The following ABCC4 variants were observed in gnomAD, a reference collection of about 807,000 sequenced individuals.
ABCC4 encodes ATP binding cassette subfamily C member 4 (PEL blood group), also known as ATP-binding cassette sub-family C member 4.
Under a neutral mutation model 168.5 loss-of-function variants are expected in ABCC4, and 102 were observed. The ratio of observed to expected loss-of-function variants is 0.61; its 90% confidence interval spans 0.52 to 0.71. The LOEUF (loss-of-function observed/expected upper bound fraction) is 0.71, where lower values mean the gene tolerates loss of function less well. ABCC4 is among the 30% of genes least tolerant of loss of function. The pLI is 0.00. For synonymous variants in ABCC4, 617 were observed against 590.7 expected, an observed-to-expected ratio of 1.04 and a Z score of -0.65; for missense variants, 1,402 against 1,605.8, an observed-to-expected ratio of 0.87 and a Z score of 2.17.
chr13:95,231,256 T>C (rs2039613993), intron 4 of ABCC4, among the ~76,000 whole-genome samples: 2 of 152,228 alleles, frequency 1.3e-5, no homozygotes, highest in African/African-American at 4.8e-5. Flanking sequence ...ACTACTACTG[T>C]ACACTTAAAA....
intron 18 of ABCC4, among the ~76,000 whole-genome samples, chr13:95,162,658 C>T (rs1490454780): frequency 6.6e-6 from 1 of 152,146 alleles, no homozygotes; most frequent in African/African-American, 2.4e-5. Flanking sequence ...CTTTGCATAC[C>T]TGGGAGGGAA....
At chr13:95,146,055 T>G (rs547819489) in intron 19 of ABCC4, among the ~76,000 whole-genome samples, 25 of 151,988 alleles carry the variant, frequency 1.6e-4, no homozygotes, top group African/African-American at 6.0e-4. Context: ...CTACTAAAAA[T>G]ACAAAACCAG....
At chr13:95,196,922 C>A (rs1678386) in intron 8 of ABCC4, among the ~76,000 whole-genome samples, 102,901 of 151,332 alleles carry the variant, frequency 0.68, 35,611 homozygotes, top group Non-Finnish European at 0.72. Context: ...CTGATAATAA[C>A]CACCATGCTT....
At chr13:95,229,329 A>G (rs2039552400) in intron 4 of ABCC4, among the ~76,000 whole-genome samples, 1 of 152,202 alleles carries the variant, frequency 6.6e-6, no homozygotes. Context: ...AAGGACAGAC[A>G]GATACTTTAC....
chr13:95,281,654 T>C (rs530132424), intron 1 of ABCC4, among the ~76,000 whole-genome samples: 6 of 152,116 alleles, frequency 3.9e-5, no homozygotes, highest in African/African-American at 9.7e-5. Flanking sequence ...GCAGGTGGAA[T>C]AGAGGGTCAA....
chr13:95,210,229 G>A (rs1445205222), intron 5 of ABCC4, among the ~76,000 whole-genome samples: 1 of 152,236 alleles, frequency 6.6e-6, no homozygotes, highest in Non-Finnish European at 1.5e-5. Context: ...TGTAATCCCA[G>A]CACTTTGGGA....
intron 15 of ABCC4, 129 bp from the exon 16 acceptor site, chr13:95,164,647 AAGGGTG>A: frequency 6.6e-6 from 6 of 902,374 alleles, no homozygotes; most frequent in African/African-American, 1.7e-5. Context: ...TCCTGTGGAG[AAGGGTG>A]TGGAAATAGC....
chr13:95,294,904 A>T (rs1051322196), intron 1 of ABCC4, among the ~76,000 whole-genome samples: 1 of 152,180 alleles, frequency 6.6e-6, no homozygotes, highest in Non-Finnish European at 1.5e-5. Context: ...CAATGAGCCG[A>T]GATCACGCCA....
chr13:95,219,717 C>T (rs910044782), intron 4 of ABCC4, among the ~76,000 whole-genome samples: 2 of 152,250 alleles, frequency 1.3e-5, no homozygotes, highest in South Asian at 2.1e-4. Context: ...CAGAATCTCC[C>T]TATGTTGTCC....
At chr13:95,181,737 T>A (rs1227509369) in intron 11 of ABCC4, among the ~76,000 whole-genome samples, 2 of 152,204 alleles carry the variant, frequency 1.3e-5, no homozygotes, top group South Asian at 4.1e-4. Context: ...GTAACTGGAC[T>A]GAGGACTCTC....
At chr13:95,275,687 C>A (rs113117255) in intron 1 of ABCC4, among the ~76,000 whole-genome samples, 29 of 150,374 alleles carry the variant, frequency 1.9e-4, no homozygotes, top group African/African-American at 4.2e-4. Context: ...AAAATACAGG[C>A]TGCAGTGGGC....
chr13:95,044,036 A>G (rs1006553656), intron 28 of ABCC4, among the ~76,000 whole-genome samples: 8 of 152,204 alleles, frequency 5.3e-5, no homozygotes, highest in Admixed American at 3.3e-4. Flanking sequence ...AAAGCTGATT[A>G]TTGGGAGTGG....
At chr13:95,085,968 C>T (rs982536419) in intron 20 of ABCC4, among the ~76,000 whole-genome samples, 1 of 152,070 alleles carries the variant, frequency 6.6e-6, no homozygotes, top group South Asian at 2.1e-4. Context: ...CACCTGTTCT[C>T]TTAATCACTG....
chr13:95,066,001 C>T (rs1357292113), intron 25 of ABCC4, among the ~76,000 whole-genome samples: 6 of 152,184 alleles, frequency 3.9e-5, no homozygotes. Context: ...GGGAAACCTC[C>T]TCTACAAAAC....
chr13:95,262,766 G>A (rs1268232780), intron 1 of ABCC4, among the ~76,000 whole-genome samples: 2 of 151,944 alleles, frequency 1.3e-5, no homozygotes, highest in Admixed American at 6.6e-5. Context: ...CTGAGTAGCT[G>A]GGATTACAGG....
At chr13:95,076,908 C>T (rs887694846) in intron 21 of ABCC4, among the ~76,000 whole-genome samples, 1 of 151,986 alleles carries the variant, frequency 6.6e-6, no homozygotes, top group Admixed American at 6.6e-5. Flanking sequence ...TAGACATGCA[C>T]ACCACCGTGC....
At chr13:95,041,702 C>A (rs1050289311) in intron 29 of ABCC4, among the ~76,000 whole-genome samples, 1 of 151,930 alleles carries the variant, frequency 6.6e-6, no homozygotes, top group African/African-American at 2.4e-5. Flanking sequence ...ACAAAAAAAA[C>A]AAAACACCTC....
rs761691210 is a variant in ABCC4 at position 95,133,108 on chromosome 13, CTTTTTTTT to C, written c.2456-17115_2456-17108del. ...GGTGCATTTTACTATGATTTTAAAA[CTTTTTTTT>C]TTTTTTTTTTTTTTGGAGACAGAAT... On this transcript the variant is annotated intron_variant, in intron 19 of 30. Coordinates refer to ENST00000645237, the MANE Select transcript of ABCC4 (RefSeq NM_005845.5). 2.2e-3 allele frequency among the ~76,000 whole-genome samples: 239 copies of C among 110,672 alleles called. 1 individual carries two copies. The highest frequency in any genetic ancestry group is 0.011 in the Middle Eastern group (2 of 176). 72.6% of individuals were successfully genotyped at this position (110,672 alleles called of 152,430 possible).
chr13:95,024,297 A>G (rs1593954248), intron 30 of ABCC4, among the ~76,000 whole-genome samples: 1 of 152,040 alleles, frequency 6.6e-6, no homozygotes, highest in East Asian at 1.9e-4. Flanking sequence ...GTTCAGAAGG[A>G]CTGTGAAGCT....
Sources: allele counts gnomAD v4.1 joint callset (sites outside exome capture counted in the v4.1 genomes callset), GRCh38; gene constraint gnomAD v4.1.1; transcripts MANE v1.5; gene names NCBI Gene and HGNC (gene_info 2026-07-23, HGNC 2026-07-21).